Variants in DPP6 observed in about 807,000 individuals in gnomAD.
DPP6 encodes the protein dipeptidyl peptidase like 6, also known as A-type potassium channel modulatory protein DPP6.
DPP6 carries 69 observed loss-of-function variants against 122.6 expected under a neutral mutation model. The ratio of observed to expected loss-of-function variants is 0.56; its 90% CI spans 0.46 to 0.69. DPP6 has a LOEUF of 0.69. DPP6 is among the 30% of genes least tolerant of loss of function. The probability of loss-of-function intolerance (pLI) is 0.00; values close to 1 mark genes in which losing one functional copy is unlikely to be tolerated. For synonymous variants in DPP6, 418 were observed against 433.1 expected, an observed-to-expected ratio of 0.97 and a Z score of 0.43; for missense variants, 928 against 1,116.9, an observed-to-expected ratio of 0.83 and a Z score of 2.41.
At chr7:154,548,807 C>A (rs1361713946) in intron 4 of DPP6, among the ~76,000 whole-genome samples, 2 of 152,048 alleles carry the variant, frequency 1.3e-5, no homozygotes, top group Non-Finnish European at 2.9e-5. Flanking sequence ...TATTTTGCAA[C>A]GGAGGTATTA....
chr7:154,105,639 A>G (rs557420399), intron 1 of DPP6, among the ~76,000 whole-genome samples: 207 of 151,970 alleles, frequency 1.4e-3, no homozygotes, highest in African/African-American at 3.5e-3. Context: ...TCGATTCATG[A>G]GGGTGGGTCT....
chr7:154,472,713 G>A (rs747215951), intron 2 of DPP6, among the ~76,000 whole-genome samples: 1 of 152,204 alleles, frequency 6.6e-6, no homozygotes, highest in Non-Finnish European at 1.5e-5. Context: ...TTAGATATCA[G>A]TTGAATGTGC....
the DPP6 span, among the ~76,000 whole-genome samples, chr7:153,866,139 A>G: frequency 1.1e-4 from 17 of 152,322 alleles, 1 homozygote; most frequent in Admixed American, 9.8e-4. Context: ...TTATAGCAGC[A>G]TGATTTACAA....
At chr7:154,076,841 C>G (rs1477683463) in intron 1 of DPP6, among the ~76,000 whole-genome samples, 1 of 151,786 alleles carries the variant, frequency 6.6e-6, no homozygotes, top group African/African-American at 2.4e-5. Flanking sequence ...ACTGTAACCT[C>G]TGATACTTAA....
At chr7:154,791,794 T>C (rs73500233) in intron 10 of DPP6, among the ~76,000 whole-genome samples, 7,800 of 152,296 alleles carry the variant, frequency 0.051, 316 homozygotes, top group African/African-American at 0.11. Flanking sequence ...GTCACTGCTG[T>C]TGATGCTGCA....
chr7:154,892,572 G>T lies in DPP6; in HGVS notation c.*92G>T. 1 of 1,563,482 alleles carries T rather than the reference G, an allele frequency of 6.4e-7. No homozygotes were observed. The highest frequency in any genetic ancestry group is 1.7e-5 in the Admixed American group (1 of 57,766). On this transcript the variant is annotated 3_prime_UTR_variant, in exon 26 of 26. Coordinates refer to ENST00000377770, the MANE Select transcript of DPP6 (RefSeq NM_130797.4). ...CCCTCCCTCTTCCCTCGGAGGGGCG[G>T]GGCGGGGCGGGGCCGGGTGTTCCAT...
At chr7:154,088,936 C>T (rs1432005821) in intron 1 of DPP6, among the ~76,000 whole-genome samples, 5 of 152,184 alleles carry the variant, frequency 3.3e-5, no homozygotes, top group East Asian at 3.9e-4. Context: ...CATGTGGCTC[C>T]GGCTGGAGTG....
At chr7:154,370,393 A>T in intron 1 of DPP6, among the ~76,000 whole-genome samples, 1 of 147,674 alleles carries the variant, frequency 6.8e-6, no homozygotes, top group Non-Finnish European at 1.5e-5. Flanking sequence ...GGGAGGGGGG[A>T]TGGGCAGCTG....
chr7:154,627,389 G>A (rs1275584007), intron 5 of DPP6, among the ~76,000 whole-genome samples: 4 of 151,044 alleles, frequency 2.6e-5, no homozygotes, highest in Admixed American at 6.6e-5. Flanking sequence ...TAGTAGAGAC[G>A]GGGTTTCACC....
chr7:153,975,307 T>C (rs1358102442), intron 1 of DPP6, among the ~76,000 whole-genome samples: 1 of 151,632 alleles, frequency 6.6e-6, no homozygotes, highest in African/African-American at 2.4e-5. Flanking sequence ...GTGTAAGCCC[T>C]GGGGATAGAT....
chr7:154,710,521 C>A (rs750713519), intron 7 of DPP6, among the ~76,000 whole-genome samples: 1 of 152,108 alleles, frequency 6.6e-6, no homozygotes, highest in Non-Finnish European at 1.5e-5. Flanking sequence ...TGAAACCACT[C>A]GGGACCACAT....
intron 3 of DPP6, among the ~76,000 whole-genome samples, chr7:154,525,760 T>C (rs1827358886): frequency 6.6e-6 from 1 of 151,962 alleles, no homozygotes; most frequent in South Asian, 2.1e-4. Context: ...TTGTGTTTTT[T>C]TTTTTGAGTT....
chr7:153,919,385 A>G (rs1048355759), intron 1 of DPP6, among the ~76,000 whole-genome samples: 1 of 152,186 alleles, frequency 6.6e-6, no homozygotes, highest in African/African-American at 2.4e-5. Context: ...CCTGAAGGAA[A>G]GCTGGTTCCA....
chr7:154,351,858 A>G (rs1261661476), intron 1 of DPP6, among the ~76,000 whole-genome samples: 1 of 152,122 alleles, frequency 6.6e-6, no homozygotes, highest in East Asian at 1.9e-4. Flanking sequence ...AGAACAGGCT[A>G]CTGCATGGCA....
intron 1 of DPP6, among the ~76,000 whole-genome samples, chr7:154,024,655 C>T (rs1282337318): frequency 2.0e-5 from 3 of 152,180 alleles, no homozygotes; most frequent in African/African-American, 4.8e-5. Context: ...ATCCCTTTAA[C>T]GTGCGTATGT....
At chr7:154,518,156 C>T (rs553177286) in intron 3 of DPP6, among the ~76,000 whole-genome samples, 3 of 152,200 alleles carry the variant, frequency 2.0e-5, no homozygotes, top group Non-Finnish European at 4.4e-5. Flanking sequence ...ACTACAAGAA[C>T]AACCCGTAAA....
chr7:153,850,339 G>A, the DPP6 span, among the ~76,000 whole-genome samples: 1 of 152,074 alleles, frequency 6.6e-6, no homozygotes, highest in African/African-American at 2.4e-5. Flanking sequence ...TATTGGCTGG[G>A]GGGTCACCTT....
chr7:154,736,040 G>A (rs555156527), intron 8 of DPP6, among the ~76,000 whole-genome samples: 7 of 152,210 alleles, frequency 4.6e-5, no homozygotes, highest in Admixed American at 2.0e-4. Context: ...TAGGTCACCA[G>A]GAAACACCAG....
At position 154,646,027 on chromosome 7, in the gene DPP6, C is replaced by CAA. The variant is rs71184020; in HGVS notation, c.680+8171_680+8172dup. Among the ~76,000 whole-genome samples, 15 of 57,942 alleles carry CAA rather than the reference C, an allele frequency of 2.6e-4. No individual in the cohort carries two copies. The South Asian group carries it at 7.0e-3, about 27-fold the overall frequency. 38.0% of individuals were successfully genotyped at this position (57,942 alleles called of 152,430 possible). ...CGGGCGGCAGAGTGAGACTCCGTCT[C>CAA]AAAAAAAAAAAAAAAAAAGAAAATA... On this transcript the variant is annotated intron_variant, in intron 6 of 25. Coordinates refer to ENST00000377770, the MANE Select transcript of DPP6 (RefSeq NM_130797.4).
Sources: allele counts gnomAD v4.1 joint callset (sites outside exome capture counted in the v4.1 genomes callset), GRCh38; gene constraint gnomAD v4.1.1; transcripts MANE v1.5; gene names NCBI Gene and HGNC (gene_info 2026-07-23, HGNC 2026-07-21).